The following MTARC2 variants were observed in gnomAD, a reference collection of about 807,000 sequenced individuals.
MTARC2 encodes MOCO sulphurase C-terminal domain containing 2.
MTARC2 carries 27 observed loss-of-function variants against 35.6 expected under a neutral mutation model. The ratio of observed to expected loss-of-function variants is 0.76; its 90% CI spans 0.56 to 1.04. The LOEUF is 1.04. Ranked by LOEUF, MTARC2 falls within the 50% of genes least tolerant of loss-of-function variation. The pLI is 0.00. For missense variants in MTARC2, 412 were observed against 432.5 expected (o/e 0.95, Z 0.42); for synonymous variants, 158 against 167.1 (o/e 0.95, Z 0.42).
intron 6 of MTARC2, among the ~76,000 whole-genome samples, chr1:220,780,831 C>T (rs893162616): frequency 1.3e-5 from 2 of 151,914 alleles, no homozygotes; most frequent in Non-Finnish European, 2.9e-5. Context: ...TATGTCTTTC[C>T]AAATGTAGGC....
In MTARC2 at chr1:220,748,348, A is replaced by T; in HGVS notation, c.-184A>T. On this transcript the variant is annotated 5_prime_UTR_variant, in exon 1 of 8. Coordinates refer to ENST00000366913, the MANE Select transcript of MTARC2 (RefSeq NM_017898.5). ...ATTACCGCGCAGGCTTGGTCACCGC[A>T]TTAAGGCATTCCCGCTCTCCGCGGA... is the stretch of plus-strand genomic sequence containing the variant. 1.7e-6 allele frequency: 1 copy of T among 573,996 alleles called. No homozygotes were observed. The highest frequency in any genetic ancestry group is 3.7e-5 in the East Asian group (1 of 27,056). The allele number at this position is 573,996 out of a possible 1,614,324, so 35.6% of individuals were successfully genotyped here.
rs190373041 is a variant in MTARC2 at position 220,779,368 on chromosome 1, C to T, written c.751-650C>T. 5.8e-4 allele frequency among the ~76,000 whole-genome samples: 89 copies of T among 152,300 alleles called. 1 individual carries two copies. The highest frequency in any genetic ancestry group is 7.9e-4 in the Non-Finnish European group (54 of 68,024). On this transcript the variant is annotated intron_variant, in intron 4 of 7. Coordinates refer to ENST00000366913, the MANE Select transcript of MTARC2 (RefSeq NM_017898.5). ...AGCTGCTTTACATCCTCCAGTGTGA[C>T]CTTGAGACAATTTTGTATCTCTCTA...
chr1:220,756,763 T>C (rs1671291959), intron 2 of MTARC2, among the ~76,000 whole-genome samples: 3 of 152,126 alleles, frequency 2.0e-5, no homozygotes, highest in Admixed American at 6.5e-5. Flanking sequence ...AGCAAGTTTT[T>C]CCCCCAAGGC....
At chr1:220,756,464 C>T (rs1671283885) in intron 2 of MTARC2, 1 of 152,246 alleles carries the variant, frequency 6.6e-6, no homozygotes, top group Non-Finnish European at 1.5e-5. Context: ...ATTAATTCCA[C>T]TTTACAAACG....
chr1:220,763,099 G>C (rs777367156), intron 4 of MTARC2, 49 bp downstream of exon 4: 1 of 1,613,654 alleles, frequency 6.2e-7, no homozygotes, highest in African/African-American at 1.3e-5. Flanking sequence ...TGCTGCTCGC[G>C]GTGCTAAGGG....
chr1:220,781,088 T>C (rs571019189), intron 6 of MTARC2, among the ~76,000 whole-genome samples: 16 of 152,158 alleles, frequency 1.1e-4, no homozygotes, highest in Admixed American at 2.6e-4. Flanking sequence ...TTAACATTCT[T>C]TGGAGCTGTA....
At chr1:220,768,766 C>T (rs1671652176) in intron 4 of MTARC2, among the ~76,000 whole-genome samples, 1 of 152,116 alleles carries the variant, frequency 6.6e-6, no homozygotes, top group Admixed American at 6.5e-5. Flanking sequence ...TGTTCATTAT[C>T]TCTGTTAGAA....
chr1:220,767,740 T>A (rs921410267), intron 4 of MTARC2, among the ~76,000 whole-genome samples: 7 of 152,240 alleles, frequency 4.6e-5, no homozygotes, highest in Admixed American at 6.5e-5. Context: ...AAACTCTTGG[T>A]ATGTTATCTT....
chr1:220,778,459 C>T (rs1402477770), intron 4 of MTARC2, among the ~76,000 whole-genome samples: 1 of 151,984 alleles, frequency 6.6e-6, no homozygotes, highest in Admixed American at 6.6e-5. Flanking sequence ...AACCGGATCT[C>T]GCAAGAACTC....
intron 1 of MTARC2, chr1:220,754,472 G>A (rs1671222700): frequency 2.2e-6 from 1 of 455,884 alleles, no homozygotes; most frequent in Admixed American, 2.4e-5. Context: ...GTTCCGCTTG[G>A]AGGCAGCAAC....
intron 4 of MTARC2, among the ~76,000 whole-genome samples, chr1:220,770,771 G>T (rs1160539617): frequency 6.6e-6 from 1 of 152,222 alleles, no homozygotes; most frequent in African/African-American, 2.4e-5. Context: ...TGGGAGACTA[G>T]AATGTCTTAT....
Position 220,748,753 on chromosome 1 carries a change from C to T in MTARC2, c.222C>T (p.Ser74=). ...PVKSCKGVPV[S]EAECTAMGLR... ...AATCCTGCAAAGGGGTGCCGGTGAG[C>T]GAGGCTGAGTGCACGGCCATGGGGC... The change falls in exon 1 of 8, where the codon AGC becomes AGT. Residue 74 remains serine (S), a synonymous_variant. Transcript: ENST00000366913. 6.2e-7 allele frequency: 1 copy of T among 1,600,046 alleles called. No homozygotes were observed. The highest frequency in any genetic ancestry group is 1.1e-5 in the South Asian group (1 of 88,850).
rs1413792222 is a variant in MTARC2, at chr1:220,761,732, C to T, written c.521C>T (p.Thr174Ile). The change falls in exon 3 of 8, where the codon ACT becomes ATT. Residue 174 changes from threonine (T) to isoleucine (I), a missense_variant. Physicochemically the swap from Thr to Ile is moderately conservative, Grantham distance 89 (BLOSUM62 -1). Coordinates refer to ENST00000366913, the MANE Select transcript of MTARC2 (RefSeq NM_017898.5). ...AAKWFTNFLK[T>I]EAYRLVQFET... is the part of the protein sequence containing the mutation. ...AAGTGGTTCACCAACTTCTTGAAAA[C>T]TGAAGCGTATAGATTGGTTCAATTT... 4 of 1,614,136 alleles carry T rather than the reference C, an allele frequency of 2.5e-6. No homozygotes were observed. The highest frequency in any genetic ancestry group is 2.5e-6 in the Non-Finnish European group (3 of 1,180,008).
intron 2 of MTARC2, among the ~76,000 whole-genome samples, chr1:220,760,512 T>C (rs1671411181): frequency 6.6e-6 from 1 of 152,256 alleles, no homozygotes. Context: ...ATACTGAACC[T>C]TGTCTTATTC....
intron 2 of MTARC2, among the ~76,000 whole-genome samples, chr1:220,761,296 C>T (rs1671429225): frequency 6.6e-6 from 1 of 152,270 alleles, no homozygotes; most frequent in East Asian, 1.9e-4. Context: ...GCATCTGCCA[C>T]AGGGCAGCCC....
chr1:220,771,435 G>A (rs1671742011), intron 4 of MTARC2, among the ~76,000 whole-genome samples: 1 of 151,876 alleles, frequency 6.6e-6, no homozygotes, highest in Non-Finnish European at 1.5e-5. Flanking sequence ...TGTGTCTCAT[G>A]CGATTCCGTA....
chr1:220,781,883 T>C lies in MTARC2; in HGVS notation c.990T>C (p.Pro330=). 1 of 1,614,216 alleles carries C rather than the reference T, an allele frequency of 6.2e-7. No homozygotes were observed. The highest frequency in any genetic ancestry group is 8.5e-7 in the Non-Finnish European group (1 of 1,180,024). Residue 330 remains proline, a synonymous_variant, in exon 7 of 8, where the codon CCT becomes CCC. Coordinates refer to ENST00000366913, the MANE Select transcript of MTARC2 (RefSeq NM_017898.5). ...EKIGSLRVGD[P]VYRMV is the part of the protein sequence containing the mutation. ...TTGGAAGCCTGAGAGTTGGTGACCCTGTGTATCGGATGGTGTAGTGATGAG... is the reference window on the plus strand; with the variant it reads ...TTGGAAGCCTGAGAGTTGGTGACCCCGTGTATCGGATGGTGTAGTGATGAG...
At chr1:220,778,376 A>C (rs917901482) in intron 4 of MTARC2, among the ~76,000 whole-genome samples, 3 of 152,162 alleles carry the variant, frequency 2.0e-5, no homozygotes, top group African/African-American at 7.2e-5. Flanking sequence ...GTGGAAGGCA[A>C]AGGGGGTCCA....
rs1010429859 is a variant in MTARC2, at chr1:220,748,812, CAGCGCG to C, written c.272+10_272+15del. On this transcript the variant is annotated intron_variant, in intron 1 of 7. Coordinates refer to ENST00000366913, the MANE Select transcript of MTARC2 (RefSeq NM_017898.5). Reference sequence around the variant, plus strand: ...GGCAACCTGCGGGACAGGTACAGCACAGCGCGGGCGCGGGGCAGCGCGGAGCCTGCC... The same window carrying C: ...GGCAACCTGCGGGACAGGTACAGCACGGCGCGGGGCAGCGCGGAGCCTGCC... 1.3e-6 allele frequency: 2 copies of C among 1,574,430 alleles called. No homozygotes were observed. The highest frequency in any genetic ancestry group is 2.7e-5 in the African/African-American group (2 of 72,828).
Sources: gnomAD v4.1 joint callset for allele counts (sites outside exome capture counted in the v4.1 genomes callset) on GRCh38, gnomAD v4.1.1 for gene constraint, MANE v1.5 for transcripts, NCBI Gene and HGNC (gene_info 2026-07-23, HGNC 2026-07-21) for gene names.